PLGRKT: variants seen among roughly 807,000 people sequenced by gnomAD.
PLGRKT encodes the protein plasminogen receptor with a C-terminal lysine, also known as plasminogen receptor (KT).
In PLGRKT, 22 loss-of-function variants were observed where a neutral mutation model predicts 18.5. The observed-to-expected ratio is 1.19, with a 90% CI of 0.85 to 1.70. PLGRKT has a LOEUF of 1.70. Among genes scored for constraint, PLGRKT ranks in the 40% most tolerant of loss-of-function variants. The pLI is 0.00. For missense variants in PLGRKT, 235 were observed against 174.4 expected (o/e 1.35, Z -1.96); for synonymous variants, 72 against 52.8 (o/e 1.36, Z -1.58).
At chr9:5,416,196 C>G (rs992803529) in intron 3 of PLGRKT, among the ~76,000 whole-genome samples, 36 of 151,924 alleles carry the variant, frequency 2.4e-4, no homozygotes, top group African/African-American at 8.5e-4. Flanking sequence ...TCTAATAATA[C>G]TTCAGATTGT....
intron 3 of PLGRKT, among the ~76,000 whole-genome samples, chr9:5,413,746 T>C (rs1818408263): frequency 6.6e-6 from 1 of 152,240 alleles, no homozygotes; most frequent in Non-Finnish European, 1.5e-5. Flanking sequence ...TATGTTGTTT[T>C]AAATCACTAA....
At chr9:5,409,758 T>C (rs1476679172) in intron 3 of PLGRKT, among the ~76,000 whole-genome samples, 2 of 152,224 alleles carry the variant, frequency 1.3e-5, no homozygotes, top group East Asian at 3.9e-4. Context: ...GCTTTAAGGT[T>C]TAATGACTGC....
intron 3 of PLGRKT, among the ~76,000 whole-genome samples, chr9:5,406,972 T>C (rs1298276129): frequency 6.6e-6 from 1 of 152,234 alleles, no homozygotes; most frequent in Non-Finnish European, 1.5e-5. Flanking sequence ...GTGTACATTA[T>C]AGAATAAAAT....
At chr9:5,431,751 T>C (rs1266965427) in intron 3 of PLGRKT, 146 bp downstream of exon 3, 3 of 579,980 alleles carry the variant, frequency 5.2e-6, no homozygotes, top group Admixed American at 3.0e-5. Context: ...ACCAGATAAT[T>C]AGTAAGCCAT....
rs1321792687 is a variant in PLGRKT at position 5,361,195 on chromosome 9, A to C, written c.213-8T>G. On this transcript the variant is annotated splice_region_variant and splice_polypyrimidine_tract_variant and intron_variant, in intron 4 of 5. Transcript: ENST00000223864. ...TTCTTTTTTTTAATCGCTCTGTTTC[A>C]AGAATTAAAAGAAGAACCAATATCA... is the stretch of plus-strand genomic sequence containing the variant. The C allele has an allele frequency of 1.3e-6, 2 of 1,504,922 alleles. No individual in the cohort carries two copies. The highest frequency in any genetic ancestry group is 1.8e-5 in the Admixed American group (1 of 55,818). 93.2% of individuals were successfully genotyped at this position (1,504,922 alleles called of 1,614,324 possible). A position where few individuals can be genotyped will look rare whatever the true frequency, so the allele number is the denominator to read the frequency against.
In PLGRKT at chr9:5,435,321, T is replaced by TA. The variant is rs61099125; in HGVS notation, c.-7+1247dup. On this transcript the variant is annotated intron_variant, in intron 2 of 5. Transcript: ENST00000223864. ...ACACCCAAGAATGATCAATAAATAC[T>TA]AAAAAAAAAAAAAAAAAGAAGAAGA... Among the ~76,000 whole-genome samples the TA allele has an allele frequency of 5.2e-3, 665 of 127,726 alleles. 8 individuals carry two copies. The highest frequency in any genetic ancestry group is 0.014 in the African/African-American group (479 of 33,190). The allele number at this position is 127,726 out of a possible 152,430, so 83.8% of individuals were successfully genotyped here. A position where few individuals can be genotyped will look rare whatever the true frequency, so the allele number is the denominator to read the frequency against.
At chr9:5,427,636 T>C (rs1052373502) in intron 3 of PLGRKT, among the ~76,000 whole-genome samples, 3 of 152,216 alleles carry the variant, frequency 2.0e-5, no homozygotes, top group African/African-American at 7.2e-5. Flanking sequence ...TTCAGTACAA[T>C]CCATGGTTTC....
intron 3 of PLGRKT, 65 bp downstream of exon 3, chr9:5,431,832 G>A: frequency 1.3e-6 from 1 of 770,906 alleles, no homozygotes. Context: ...TGTACGGCTG[G>A]AGTACATGTG....
chr9:5,417,670 C>A (rs1348505253), intron 3 of PLGRKT, among the ~76,000 whole-genome samples: 2 of 140,618 alleles, frequency 1.4e-5, no homozygotes. Flanking sequence ...TTTTTTTTCT[C>A]ATGATGTCTC....
intron 3 of PLGRKT, among the ~76,000 whole-genome samples, chr9:5,399,224 A>T (rs983875556): frequency 7.2e-5 from 11 of 151,900 alleles, no homozygotes; most frequent in Non-Finnish European, 1.2e-4. Flanking sequence ...GTGAGTAATT[A>T]AATATTTTTT....
chr9:5,406,274 A>T (rs1818255443), intron 3 of PLGRKT, among the ~76,000 whole-genome samples: 1 of 152,228 alleles, frequency 6.6e-6, no homozygotes, highest in Non-Finnish European at 1.5e-5. Flanking sequence ...TACCCAAAGG[A>T]TTATAAATCA....
At chr9:5,410,432 C>G (rs531573663) in intron 3 of PLGRKT, among the ~76,000 whole-genome samples, 1 of 149,270 alleles carries the variant, frequency 6.7e-6, no homozygotes, top group South Asian at 2.1e-4. Flanking sequence ...GCAGAGGTTG[C>G]AGTGAGCAGT....
At chr9:5,378,854 G>C (rs1251489039) in intron 3 of PLGRKT, among the ~76,000 whole-genome samples, 1 of 152,030 alleles carries the variant, frequency 6.6e-6, no homozygotes. Flanking sequence ...TAAGGATTAA[G>C]CAATTAAATC....
chr9:5,365,709 A>ATT (rs1817370637), intron 3 of PLGRKT, among the ~76,000 whole-genome samples: 1 of 152,202 alleles, frequency 6.6e-6, no homozygotes, highest in Non-Finnish European at 1.5e-5. Context: ...TTAGTTTCTT[A>ATT]TTTGTGGCAA....
chr9:5,382,960 A>G (rs1394950474), intron 3 of PLGRKT, among the ~76,000 whole-genome samples: 1 of 152,242 alleles, frequency 6.6e-6, no homozygotes, highest in Non-Finnish European at 1.5e-5. Context: ...GTAGGTCCAC[A>G]TCCTAACTCC....
intron 2 of PLGRKT, among the ~76,000 whole-genome samples, chr9:5,434,264 TCGTC>T (rs1386874350): frequency 1.8e-5 from 2 of 109,874 alleles, no homozygotes; most frequent in Admixed American, 9.2e-5. Context: ...CGGCCGCCCT[TCGTC>T]TGGGAGGTGG....
At chr9:5,436,276 T>C (rs1818957902) in intron 2 of PLGRKT, among the ~76,000 whole-genome samples, 1 of 152,190 alleles carries the variant, frequency 6.6e-6, no homozygotes, top group Non-Finnish European at 1.5e-5. Context: ...CCCTAAATAT[T>C]TGCACAAAGC....
At chr9:5,398,276 G>C (rs1425801968) in intron 3 of PLGRKT, among the ~76,000 whole-genome samples, 3 of 151,796 alleles carry the variant, frequency 2.0e-5, no homozygotes, top group African/African-American at 7.3e-5. Context: ...TGAGAAACCT[G>C]CTGCCCAGTC....
intron 3 of PLGRKT, among the ~76,000 whole-genome samples, chr9:5,376,227 C>T (rs1159934315): frequency 6.6e-6 from 1 of 151,976 alleles, no homozygotes; most frequent in Admixed American, 6.6e-5. Context: ...TTAATGGGTA[C>T]AAGGTTTCAT....
Sources: allele counts gnomAD v4.1 joint callset (sites outside exome capture counted in the v4.1 genomes callset), GRCh38; gene constraint gnomAD v4.1.1; transcripts MANE v1.5; gene names NCBI Gene and HGNC (gene_info 2026-07-23, HGNC 2026-07-21).